Variants in RNF150 observed in about 807,000 individuals in gnomAD.
The protein encoded by RNF150 is ring finger protein 150.
Under a neutral mutation model 39.3 loss-of-function variants are expected in RNF150, and 24 were observed. The observed-to-expected ratio is 0.61, with a 90% CI of 0.44 to 0.86. The LOEUF is 0.86. Among genes scored for constraint, RNF150 ranks in the 40% least tolerant of loss-of-function variants. The pLI, the probability that RNF150 is intolerant of heterozygous loss-of-function variation, is 0.00. For missense variants in RNF150, 502 were observed against 587.8 expected (o/e 0.85, Z 1.51); for synonymous variants, 255 against 227.3 (o/e 1.12, Z -1.10).
intron 1 of RNF150, among the ~76,000 whole-genome samples, chr4:141,079,025 C>G (rs1019725583): frequency 6.6e-6 from 1 of 151,772 alleles, no homozygotes; most frequent in African/African-American, 2.4e-5. Flanking sequence ...ACAGTGACAG[C>G]ATTGGGTTGG....
intron 6 of RNF150, among the ~76,000 whole-genome samples, chr4:140,887,605 T>G (rs1729625970): frequency 6.6e-6 from 1 of 152,200 alleles, no homozygotes; most frequent in Non-Finnish European, 1.5e-5. Context: ...ATTCACCATG[T>G]GACAGCCTTA....
intron 1 of RNF150, among the ~76,000 whole-genome samples, chr4:141,078,267 C>T (rs1391546267): frequency 1.3e-5 from 2 of 152,116 alleles, no homozygotes; most frequent in African/African-American, 2.4e-5. Context: ...CCAACAGGGA[C>T]TTCAATGAAT....
At chr4:140,868,754 A>C (rs58044912) in intron 6 of RNF150, among the ~76,000 whole-genome samples, 1,600 of 152,312 alleles carry the variant, frequency 0.011, 33 homozygotes, top group African/African-American at 0.037. Context: ...AAGGCATATC[A>C]AACTCAGGAA....
At chr4:140,934,500 G>A (rs1372601280) in intron 4 of RNF150, among the ~76,000 whole-genome samples, 2 of 152,012 alleles carry the variant, frequency 1.3e-5, no homozygotes, top group South Asian at 2.1e-4. Context: ...GCTGCTCACC[G>A]CACAAGCACT....
At position 140,910,137 on chromosome 4, in the gene RNF150, T is replaced by A. The variant is rs552886112; in HGVS notation, c.1198+1007A>T. Among the ~76,000 whole-genome samples the A allele has an allele frequency of 3.4e-4, 52 of 152,290 alleles. No individual in the cohort carries two copies. In the South Asian group the frequency reaches 8.3e-3, roughly 24 times the overall value. On this transcript the variant is annotated intron_variant, in intron 6 of 6. Coordinates refer to ENST00000515673, the MANE Select transcript of RNF150 (RefSeq NM_020724.2). ...TTTTTCATCAGAAAAATACATATCT[T>A]TACATTTTAGCATGCTTTCATACAT... is the stretch of plus-strand genomic sequence containing the variant.
At chr4:141,016,603 C>T (rs1425220480) in intron 1 of RNF150, among the ~76,000 whole-genome samples, 1 of 152,220 alleles carries the variant, frequency 6.6e-6, no homozygotes, top group Non-Finnish European at 1.5e-5. Context: ...TCTTGAATTC[C>T]TTCCTGAGTG....
intron 6 of RNF150, among the ~76,000 whole-genome samples, chr4:140,909,055 T>C (rs1730495041): frequency 6.6e-6 from 1 of 152,176 alleles, no homozygotes; most frequent in African/African-American, 2.4e-5. Context: ...AGGTCACTTA[T>C]GGTCGTATGT....
chr4:141,187,048 A>C (rs1453826542), intron 1 of RNF150, among the ~76,000 whole-genome samples: 1 of 152,136 alleles, frequency 6.6e-6, no homozygotes, highest in Non-Finnish European at 1.5e-5. Flanking sequence ...CTTCTGGTAC[A>C]TTGTGTCTTT....
intron 1 of RNF150, among the ~76,000 whole-genome samples, chr4:141,096,750 A>G (rs527265470): frequency 6.6e-6 from 1 of 152,378 alleles, no homozygotes; most frequent in African/African-American, 2.4e-5. Context: ...ACAAGGTAAC[A>G]CAGTGATTTA....
upstream of RNF150, among the ~76,000 whole-genome samples, chr4:141,135,657 T>C (rs1244871942): frequency 1.3e-5 from 2 of 152,212 alleles, no homozygotes; most frequent in African/African-American, 4.8e-5. Flanking sequence ...TTAATGGATA[T>C]AGAAAGTCAC....
rs376226339 is a variant in RNF150, at chr4:140,911,209, G to T, written c.1133C>A (p.Ala378Asp). The T allele has an allele frequency of 1.9e-6, 3 of 1,614,116 alleles. No homozygotes were observed. Among genetic ancestry groups the T allele is most frequent in the Admixed American group, 3.3e-5 (2 of 60,014 alleles). Residue 378 changes from alanine to aspartate, a missense_variant, in exon 6 of 7, where the codon GCC becomes GAC. Transcript: ENST00000515673. ...GTCTGTATCCTGGACCACCTGCAAGGCTCCCACAGTCCGGACAGCAGGGTC... is the reference window on the plus strand; with the variant it reads ...GTCTGTATCCTGGACCACCTGCAAGTCTCCCACAGTCCGGACAGCAGGGTC... ...TLDPAVRTVGALQVVQDTDPI... is the reference protein window; with the variant it reads ...TLDPAVRTVGDLQVVQDTDPI...
In RNF150 at chr4:141,143,038, T is replaced by A. The variant is rs72724495; in HGVS notation, c.-6+69756A>T. ...GCGCACACAGCCATGCACAGATAAT[T>A]TTTTGTATTTTAGTAGATACGGGGT... On this transcript the variant is annotated intron_variant, in intron 1 of 7. Coordinates refer to the RNF150 transcript ENST00000420921. Among the ~76,000 whole-genome samples the A allele has an allele frequency of 3.9e-3, 595 of 152,096 alleles. 1 individual carries two copies. The highest frequency in any genetic ancestry group is 6.8e-3 in the Non-Finnish European group (463 of 67,984).
intron 1 of RNF150, among the ~76,000 whole-genome samples, chr4:141,174,337 T>C (rs1453683284): frequency 6.6e-6 from 1 of 152,166 alleles, no homozygotes; most frequent in Non-Finnish European, 1.5e-5. Flanking sequence ...ACCACAGTGC[T>C]GGGACCAGGC....
intron 1 of RNF150, among the ~76,000 whole-genome samples, chr4:141,104,321 G>C: frequency 6.6e-6 from 1 of 152,156 alleles, no homozygotes; most frequent in East Asian, 1.9e-4. Flanking sequence ...CTTCGCAATT[G>C]CTTACAACAT....
intron 4 of RNF150, among the ~76,000 whole-genome samples, chr4:140,944,397 T>C (rs1205817253): frequency 2.0e-5 from 3 of 152,100 alleles, no homozygotes; most frequent in African/African-American, 2.4e-5. Flanking sequence ...CTGTCCCTCA[T>C]GGTAGATGTA....
chr4:140,997,688 C>CTGTGTGTGGATATATACACACACATATA (rs1734426930), intron 1 of RNF150, among the ~76,000 whole-genome samples: 1 of 137,050 alleles, frequency 7.3e-6, no homozygotes, highest in Non-Finnish European at 1.6e-5. Flanking sequence ...GCACTCCAGC[C>CTGTGTGTGGATATATACACACACATATA]TGTGTGTGTA....
At chr4:140,903,005 T>C (rs1033649552) in intron 6 of RNF150, among the ~76,000 whole-genome samples, 1 of 152,194 alleles carries the variant, frequency 6.6e-6, no homozygotes, top group Non-Finnish European at 1.5e-5. Context: ...GAGAAGGGCT[T>C]GTAAGTGAGG....
At chr4:141,127,964 A>G (rs17341855) in intron 1 of RNF150, among the ~76,000 whole-genome samples, 2,500 of 152,340 alleles carry the variant, frequency 0.016, 32 homozygotes, top group Non-Finnish European at 0.022. Flanking sequence ...AATTTAAGCC[A>G]AAAGAAAGTA....
In RNF150 at chr4:141,132,603, G is replaced by A. The variant is rs1049131188; in HGVS notation, c.206C>T (p.Thr69Met). The A allele has an allele frequency of 6.4e-7, 1 of 1,558,486 alleles. No individual in the cohort carries two copies. Among genetic ancestry groups the A allele is most frequent in the Non-Finnish European group, 8.7e-7 (1 of 1,152,412 alleles). Reference sequence around the variant, plus strand: ...GTAGCGCCCGCACTCCGTCTTCTCCGTGTGCAGCTCCGCGCCGCCGCCGCC... The same window carrying A: ...GTAGCGCCCGCACTCCGTCTTCTCCATGTGCAGCTCCGCGCCGCCGCCGCC... ...AAGGGGAELH[T>M]EKTECGRYGE... Residue 69 changes from threonine to methionine, a missense_variant, in exon 1 of 7, where the codon ACG becomes ATG. Thr to Met is a moderately conservative substitution (Grantham distance 81, BLOSUM62 -1). Transcript: ENST00000515673. The surrounding 1 kb of genome is among the most constrained non-coding windows in gnomAD (Gnocchi z 4.9).
Sources: allele counts gnomAD v4.1 joint callset (sites outside exome capture counted in the v4.1 genomes callset), GRCh38; gene constraint gnomAD v4.1.1; non-coding constraint Gnocchi (gnomAD v3.1); transcripts MANE v1.5; gene names NCBI Gene and HGNC (gene_info 2026-07-23, HGNC 2026-07-21).